The following KDM3A variants were observed in gnomAD, a reference collection of about 807,000 sequenced individuals.
KDM3A encodes the protein lysine demethylase 3A.
Under a neutral mutation model 158.0 loss-of-function variants are expected in KDM3A, and 60 were observed. The ratio of observed to expected loss-of-function variants is 0.38; its 90% CI spans 0.31 to 0.47. KDM3A has a LOEUF of 0.47. KDM3A is among the 20% of genes least tolerant of loss of function. KDM3A has a pLI of 0.99. For synonymous variants in KDM3A, 608 were observed against 549.3 expected, an observed-to-expected ratio of 1.11 and a Z score of -1.49; for missense variants, 1,319 against 1,574.3, an observed-to-expected ratio of 0.84 and a Z score of 2.74.
At position 86,492,170 on chromosome 2, in the gene KDM3A, G is replaced by A. The variant is rs573898109; in HGVS notation, c.*51G>A. ...ACAGGCAGCTGTTCAAACTCTTCAG[G>A]CAGGATTCCTGTGGACTTTGAGATT... On this transcript the variant is annotated 3_prime_UTR_variant, in exon 26 of 26. Coordinates refer to ENST00000312912, the MANE Select transcript of KDM3A (RefSeq NM_018433.6). 19 of 1,360,736 alleles carry A rather than the reference G, an allele frequency of 1.4e-5. No individual in the cohort carries two copies. In the South Asian group the frequency reaches 2.3e-4, roughly 16 times the overall value. The allele number at this position is 1,360,736 out of a possible 1,614,324, so 84.3% of individuals were successfully genotyped here.
At chr2:86,477,761 A>G in intron 12 of KDM3A, 116 bp from the exon 13 acceptor site, 1 of 999,218 alleles carries the variant, frequency 1.0e-6, no homozygotes, top group African/African-American at 1.6e-5. Flanking sequence ...ATGAAGCCTG[A>G]ACAAAGTTAA....
At chr2:86,489,247 A>C in intron 21 of KDM3A, 71 bp from the exon 22 acceptor site, 1 of 1,494,952 alleles carries the variant, frequency 6.7e-7, no homozygotes, top group Non-Finnish European at 9.1e-7. Context: ...ACCATCCCCC[A>C]GGTAGGTAGT....
At chr2:86,478,306 G>T in intron 14 of KDM3A, 41 bp downstream of exon 14, 1 of 1,433,422 alleles carries the variant, frequency 7.0e-7, no homozygotes, top group South Asian at 1.2e-5. Context: ...CCCTTGTCTT[G>T]GTTAACTCAT....
chr2:86,484,159 G>A lies in KDM3A; in HGVS notation c.3094+1G>A. The A allele has an allele frequency of 6.2e-7, 1 of 1,611,270 alleles. No homozygotes were observed. The highest frequency in any genetic ancestry group is 8.5e-7 in the Non-Finnish European group (1 of 1,178,494). ...TGGGATGGATTTGAAGATGTTCCAA[G>A]TATGTATGAAAGATCTTTTAAGGGG... On this transcript the variant is annotated splice_donor_variant, in intron 19 of 25. Transcript: ENST00000312912. LOFTEE classifies it high-confidence loss of function.
At chr2:86,465,389 T>A (rs1573173533) in intron 9 of KDM3A, among the ~76,000 whole-genome samples, 1 of 152,282 alleles carries the variant, frequency 6.6e-6, no homozygotes, top group East Asian at 1.9e-4. Context: ...TTTGTTAGTT[T>A]TTTTTTAGTT....
At chr2:86,453,483 A>C (rs1334621996) in intron 4 of KDM3A, among the ~76,000 whole-genome samples, 1 of 152,140 alleles carries the variant, frequency 6.6e-6, no homozygotes, top group Non-Finnish European at 1.5e-5. Context: ...TTACTCAGTT[A>C]TCTGTTGGTA....
intron 17 of KDM3A, 121 bp downstream of exon 17, chr2:86,482,223 A>G (rs1416038191): frequency 2.4e-6 from 3 of 1,247,656 alleles, no homozygotes; most frequent in Non-Finnish European, 3.4e-6. Context: ...TTGTGGGTTC[A>G]GAAGGCTGAG....
intron 11 of KDM3A, among the ~76,000 whole-genome samples, 164 bp from the exon 12 acceptor site, chr2:86,474,612 C>A (rs140059036): frequency 6.7e-6 from 1 of 148,298 alleles, no homozygotes; most frequent in African/African-American, 2.5e-5. Flanking sequence ...TGCAGTGAGC[C>A]GAGATGGCAC....
Position 86,464,143 on chromosome 2 carries a change from A to G in KDM3A, c.934A>G (p.Lys312Glu), listed in dbSNP as rs1004844281. 26 of 1,613,026 alleles carry G rather than the reference A, an allele frequency of 1.6e-5. No homozygotes were observed. The highest frequency in any genetic ancestry group is 2.2e-5 in the Non-Finnish European group (26 of 1,179,298). The change falls in exon 9 of 26, where the codon AAG becomes GAG. Residue 312 changes from lysine (K) to glutamate (E), a missense_variant. Physicochemically the swap from Lys to Glu is moderately conservative, Grantham distance 56 (BLOSUM62 1). Around this residue, in one of 4 missense-constraint regions of KDM3A, gnomAD observed 652 missense variants for 627.2 expected, o/e 1.04. Coordinates refer to ENST00000312912, the MANE Select transcript of KDM3A (RefSeq NM_018433.6). ...LGCTAATPPS[K>E]DPRQQSTPQA... ...CTGTACTGCGGCAACTCCACCTAGT[A>G]AGGACCCAAGACAGCAAAGTACTCC... is the stretch of plus-strand genomic sequence containing the variant.
chr2:86,484,234 C>A, intron 19 of KDM3A, 76 bp downstream of exon 19: 1 of 1,256,156 alleles, frequency 8.0e-7, no homozygotes, highest in Non-Finnish European at 1.1e-6. Context: ...GTCTGAGACC[C>A]ATCAGTGGCA....
rs1162044383 is a variant in KDM3A, at chr2:86,489,591, A to G, written c.3505A>G (p.Lys1169Glu). ...TIKRFIEGKE[K>E]PGALWHIYAA... ...AAAGCGATTTATTGAAGGAAAAGAGAAGCCAGGAGCACTGTGGCACATATA... is the reference window on the plus strand; with the variant it reads ...AAAGCGATTTATTGAAGGAAAAGAGGAGCCAGGAGCACTGTGGCACATATA... Residue 1169 changes from lysine to glutamate, a missense_variant, in exon 23 of 26, where the codon AAG becomes GAG. Transcript: ENST00000312912. 1.9e-6 allele frequency: 3 copies of G among 1,614,046 alleles called. No homozygotes were observed. The Admixed American group carries it at 5.0e-5, about 27-fold the overall frequency.
At chr2:86,461,205 C>G (rs577450855) in intron 8 of KDM3A, among the ~76,000 whole-genome samples, 33 of 152,272 alleles carry the variant, frequency 2.2e-4, no homozygotes, top group African/African-American at 7.5e-4. Flanking sequence ...CTCTTCATCA[C>G]TGTGCTGTTG....
chr2:86,445,253 C>A (rs1462726665), intron 2 of KDM3A, among the ~76,000 whole-genome samples: 1 of 152,150 alleles, frequency 6.6e-6, no homozygotes, highest in Non-Finnish European at 1.5e-5. Flanking sequence ...ATTATTACCT[C>A]TCCTATGGAG....
chr2:86,482,774 C>T, intron 18 of KDM3A, 80 bp downstream of exon 18: 1 of 1,292,398 alleles, frequency 7.7e-7, no homozygotes, highest in Non-Finnish European at 1.1e-6. Flanking sequence ...CAACCCCACC[C>T]CAGGCTTTCC....
In KDM3A at chr2:86,480,248, G is replaced by A. The variant is rs1191256513; in HGVS notation, c.2398G>A (p.Gly800Arg). ...AGTGTTGGAGCCAGCAGCTGTGGGT[G>A]GGGAAGCAGCCTCCAAGCCAGCCGG... ...PSVLEPAAVG[G>R]EAASKPAGSM... is the part of the protein sequence containing the mutation. The change falls in exon 16 of 26, where the codon GGG becomes AGG. Residue 800 changes from glycine (G) to arginine (R), a missense_variant. Around this residue, in one of 4 missense-constraint regions of KDM3A, gnomAD observed 368 missense variants for 415.8 expected, o/e 0.89. Coordinates refer to ENST00000312912, the MANE Select transcript of KDM3A (RefSeq NM_018433.6). 2.5e-6 allele frequency: 4 copies of A among 1,613,770 alleles called. No individual in the cohort carries two copies. Among genetic ancestry groups the A allele is most frequent in the East Asian group, 2.2e-5 (1 of 44,870 alleles).
chr2:86,477,895 G>A lies in KDM3A; in HGVS notation c.1958G>A (p.Arg653Gln), dbSNP rs748898231. ...IEPHRQVAWK[R>Q]AVKGVREMCD... ...TTTGCAGGACAGGTTGCTTGGAAGC[G>A]AGCTGTCAAAGGTGTTCGAGAAATG... is the stretch of plus-strand genomic sequence containing the variant. Residue 653 changes from arginine (R) to glutamine (Q), a missense_variant, in exon 13 of 26, where the codon CGA (arginine) becomes CAA (glutamine). Arg to Gln is a conservative substitution (Grantham distance 43). This residue lies in a region of KDM3A where 113 missense variants were observed against 190.5 expected (regional missense o/e 0.59). Coordinates refer to ENST00000312912, the MANE Select transcript of KDM3A (RefSeq NM_018433.6). 1 of 1,608,704 alleles carries A rather than the reference G, an allele frequency of 6.2e-7. No individual in the cohort carries two copies. Among genetic ancestry groups the A allele is most frequent in the South Asian group, 1.1e-5 (1 of 90,184 alleles).
At chr2:86,440,546 TGTAA>T (rs927963361), upstream of KDM3A, 4 of 152,268 alleles carry the variant, frequency 2.6e-5, no homozygotes, top group African/African-American at 4.8e-5. Flanking sequence ...TAAATTTCTT[TGTAA>T]GTATCTGAAT....
chr2:86,491,030 G>A lies in KDM3A; in HGVS notation c.3723G>A (p.Val1241=), dbSNP rs1364163759. Reference sequence around the variant, plus strand: ...TTGTACAGTTTCTTGGGGATGTGGTGTTTATCCCGGCAGGAGCTCCACATC... The same window carrying A: ...TTGTACAGTTTCTTGGGGATGTGGTATTTATCCCGGCAGGAGCTCCACATC... ...WAIVQFLGDV[V]FIPAGAPHQV... The change falls in exon 24 of 26, where the codon GTG becomes GTA. Residue 1241 remains valine, a synonymous_variant. Coordinates refer to ENST00000312912, the MANE Select transcript of KDM3A (RefSeq NM_018433.6). 6.2e-7 allele frequency: 1 copy of A among 1,613,826 alleles called. No individual in the cohort carries two copies. Among genetic ancestry groups the A allele is most frequent in the African/African-American group, 1.3e-5 (1 of 75,016 alleles).
At chr2:86,479,511 A>C (rs1673821109) in intron 15 of KDM3A, 2 of 152,226 alleles carry the variant, frequency 1.3e-5, no homozygotes, top group Admixed American at 1.3e-4. Flanking sequence ...AATAAGAAGC[A>C]ATATTGATGA....
Sources: allele counts gnomAD v4.1 joint callset (sites outside exome capture counted in the v4.1 genomes callset), GRCh38; gene constraint gnomAD v4.1.1; regional missense constraint gnomAD v4.1.1; transcripts MANE v1.5; gene names NCBI Gene and HGNC (gene_info 2026-07-23, HGNC 2026-07-21).